EVC: variants seen among roughly 807,000 people sequenced by gnomAD.
EVC encodes evC complex member EVC.
Under a neutral mutation model 118.9 loss-of-function variants are expected in EVC, and 116 were observed. That is an observed-to-expected ratio of 0.98 (90% CI 0.84 to 1.14). The LOEUF is 1.14. Ranked by LOEUF, EVC falls within the 50% of genes most tolerant of loss-of-function variation. The pLI is 0.00. For missense variants in EVC, 1,401 were observed against 1,246.4 expected, an observed-to-expected ratio of 1.12 and a Z score of -1.87; for synonymous variants, 619 against 534.7, an observed-to-expected ratio of 1.16 and a Z score of -2.18.
In EVC at chr4:5,793,472, T is replaced by C. The variant is rs967705850; in HGVS notation, c.1777-136T>C. On this transcript the variant is annotated intron_variant, in intron 12 of 20. Coordinates refer to ENST00000264956, the MANE Select transcript of EVC (RefSeq NM_153717.3). The stretch of plus-strand genomic sequence containing the variant: ...TTTTAGAAGAAAATACAAGAGAAAA[T>C]GTTAATGAAATCGGGGCAGAAAGGG... 3.3e-5 allele frequency: 26 copies of C among 789,898 alleles called. No homozygotes were observed. The Middle Eastern group carries it at 1.1e-3, about 34-fold the overall frequency. 48.9% of individuals were successfully genotyped at this position (789,898 alleles called of 1,614,324 possible).
intron 11 of EVC, among the ~76,000 whole-genome samples, chr4:5,760,198 A>C (rs973485736): frequency 6.6e-6 from 1 of 152,050 alleles, no homozygotes; most frequent in South Asian, 2.1e-4. Flanking sequence ...TCGGGGGCCC[A>C]ATATATTTTC....
At chr4:5,733,504 C>A in intron 5 of EVC, 69 bp downstream of exon 5, 1 of 1,299,726 alleles carries the variant, frequency 7.7e-7, no homozygotes, top group Non-Finnish European at 1.1e-6. Flanking sequence ...ACTCTGTGTG[C>A]AGTGAGTCCC....
chr4:5,794,058 A>T (rs2152327818), intron 13 of EVC, among the ~76,000 whole-genome samples: 1 of 151,776 alleles, frequency 6.6e-6, no homozygotes, highest in South Asian at 2.1e-4. Flanking sequence ...TCACCCCAAA[A>T]ATTGCTACAA....
intron 11 of EVC, among the ~76,000 whole-genome samples, chr4:5,764,246 A>T (rs371472600): frequency 2.1e-5 from 3 of 141,548 alleles, no homozygotes; most frequent in Admixed American, 6.9e-5. Context: ...ATCCCAGGGA[A>T]GAAGCCCACT....
chr4:5,827,397 C>T, the EVC span, among the ~76,000 whole-genome samples: 1 of 152,188 alleles, frequency 6.6e-6, no homozygotes, highest in Non-Finnish European at 1.5e-5. Context: ...AGCATCTGTG[C>T]GACTTGGTGT....
intron 1 of EVC, among the ~76,000 whole-genome samples, chr4:5,718,440 G>T (rs1272065042): frequency 6.6e-6 from 1 of 151,988 alleles, no homozygotes; most frequent in African/African-American, 2.4e-5. Context: ...TTGTGTTTCG[G>T]GAGACTAGAC....
intron 17 of EVC, 102 bp downstream of exon 17, chr4:5,804,943 C>T (rs116058370): frequency 1.3e-5 from 14 of 1,054,676 alleles, no homozygotes; most frequent in African/African-American, 1.2e-4. Flanking sequence ...GTGCATTGCC[C>T]GTGGACTTGG....
the EVC span, chr4:5,825,619 C>A: frequency 6.2e-7 from 1 of 1,606,258 alleles, no homozygotes; most frequent in African/African-American, 1.3e-5. The surrounding 1 kb of genome is among the most constrained non-coding windows in gnomAD (Gnocchi z 4.4). Flanking sequence ...GTACACAGGA[C>A]CGTCATACAT....
intron 13 of EVC, among the ~76,000 whole-genome samples, chr4:5,796,650 C>T (rs752447833): frequency 1.3e-5 from 2 of 151,962 alleles, no homozygotes; most frequent in African/African-American, 2.4e-5. Flanking sequence ...AATGTTGAAC[C>T]TCTCTGGCAG....
chr4:5,798,674 C>G lies in EVC; in HGVS notation c.2186C>G (p.Ala729Gly), dbSNP rs1714422296. 6.2e-7 allele frequency: 1 copy of G among 1,600,430 alleles called. No individual in the cohort carries two copies. Among genetic ancestry groups the G allele is most frequent in the South Asian group, 1.1e-5 (1 of 88,840 alleles). The change falls in exon 15 of 21, where the codon GCC becomes GGC. Residue 729 changes from alanine (A) to glycine (G), a missense_variant. By Grantham distance (60) the Ala-to-Gly change is moderately conservative. Coordinates refer to ENST00000264956, the MANE Select transcript of EVC (RefSeq NM_153717.3). The surrounding 1 kb of genome is among the most constrained non-coding windows in gnomAD (Gnocchi z 4.1). ...LQLQQRLLAEAQEVGQLLQQH... is the reference protein window; with the variant it reads ...LQLQQRLLAEGQEVGQLLQQH... ...CTCCAGCAGCGGCTCCTGGCCGAGG[C>G]CCAGGAGGTGGGGCAGCTTCTGCAG...
chr4:5,771,977 A>G (rs1432117499), intron 11 of EVC, among the ~76,000 whole-genome samples: 1 of 151,896 alleles, frequency 6.6e-6, no homozygotes, highest in African/African-American at 2.4e-5. Flanking sequence ...GGCTCACTGC[A>G]AGCTCCATCT....
intron 5 of EVC, among the ~76,000 whole-genome samples, chr4:5,734,067 C>T (rs979048495): frequency 4.6e-5 from 7 of 152,192 alleles, no homozygotes; most frequent in Non-Finnish European, 8.8e-5. Flanking sequence ...CCAGATGCAC[C>T]TGGCCTCTGA....
rs890722382 is a variant in EVC, at chr4:5,745,279, T to C, written c.877T>C (p.Tyr293His). The C allele has an allele frequency of 1.2e-6, 2 of 1,613,766 alleles. No homozygotes were observed. The highest frequency in any genetic ancestry group is 2.7e-5 in the African/African-American group (2 of 74,902). ...TEMSGAGDSE[Y>H]ITLADVEKKE... The stretch of plus-strand genomic sequence containing the variant: ...AATGTCGGGGGCTGGTGACTCTGAG[T>C]ACATCACCCTGGCTGATGTGGAAAA... The change falls in exon 7 of 21, where the codon TAC becomes CAC. Residue 293 changes from tyrosine (Y) to histidine (H), a missense_variant. Transcript: ENST00000264956.
At chr4:5,720,982 G>A (rs1452959406) in intron 2 of EVC, among the ~76,000 whole-genome samples, 1 of 152,044 alleles carries the variant, frequency 6.6e-6, no homozygotes, top group Non-Finnish European at 1.5e-5. Context: ...CTGTGTGCTT[G>A]CCTCTCCACG....
At chr4:5,817,692 C>G (rs1717919995), downstream of EVC, among the ~76,000 whole-genome samples, 1 of 152,210 alleles carries the variant, frequency 6.6e-6, no homozygotes, top group African/African-American at 2.4e-5. Flanking sequence ...CGGCCACACT[C>G]TGCCTTGGAA....
At chr4:5,825,386 T>G in the EVC span, 5 of 1,465,468 alleles carry the variant, frequency 3.4e-6, no homozygotes, top group Non-Finnish European at 4.5e-6. This position sits in a 1 kb window ranked among gnomAD's most constrained non-coding sequence, Gnocchi z 4.4. Flanking sequence ...CTTCCCTGCT[T>G]CTTCATCTAG....
chr4:5,728,441 T>C (rs1000998572), intron 2 of EVC, among the ~76,000 whole-genome samples: 1 of 151,982 alleles, frequency 6.6e-6, no homozygotes, highest in African/African-American at 2.4e-5. Context: ...GAGACTTTGC[T>C]GAAGTTGCTT....
intron 3 of EVC, among the ~76,000 whole-genome samples, chr4:5,729,982 G>A (rs763614137): frequency 1.3e-5 from 2 of 152,200 alleles, no homozygotes; most frequent in African/African-American, 4.8e-5. Flanking sequence ...CAGCCTGGGA[G>A]GTGCTTTGTG....
intron 8 of EVC, among the ~76,000 whole-genome samples, chr4:5,750,141 T>G (rs1453987132): frequency 6.6e-6 from 1 of 152,148 alleles, no homozygotes; most frequent in African/African-American, 2.4e-5. Context: ...GTGATCCACC[T>G]AAGATCCCCG....
Sources: gnomAD v4.1 joint callset for allele counts (sites outside exome capture counted in the v4.1 genomes callset) on GRCh38, gnomAD v4.1.1 for gene constraint, Gnocchi (gnomAD v3.1) non-coding constraint, MANE v1.5 for transcripts, NCBI Gene and HGNC (gene_info 2026-07-23, HGNC 2026-07-21) for gene names.